GCFC2: variants seen among roughly 807,000 people sequenced by gnomAD.
GCFC2 encodes intron Large complex component GCFC2.
A neutral mutation model predicts 99.4 loss-of-function variants in GCFC2; 102 were observed. The ratio of observed to expected loss-of-function variants is 1.03; its 90% confidence interval spans 0.87 to 1.21. The LOEUF is 1.21. GCFC2 is among the 50% of genes most tolerant of loss of function. GCFC2 has a pLI of 0.00. For synonymous variants in GCFC2, 338 were observed against 316.8 expected, an observed-to-expected ratio of 1.07 and a Z score of -0.71; for missense variants, 973 against 920.9, an observed-to-expected ratio of 1.06 and a Z score of -0.73.
intron 5 of GCFC2, among the ~76,000 whole-genome samples, chr2:75,695,918 A>G (rs1044311218): frequency 6.6e-6 from 1 of 152,176 alleles, no homozygotes; most frequent in African/African-American, 2.4e-5. Flanking sequence ...ATGCAATTTA[A>G]AACATATGAA....
At position 75,687,896 on chromosome 2, in the gene GCFC2, T is replaced by C; in HGVS notation, c.1621A>G (p.Lys541Glu). ...ACTTTTTTATCTGAACTACTTTCCT[T>C]CTTTGAATCTTCCACACTGCTATCC... Reference protein sequence around the residue: ...FMDSSVEDSKKESSSDKKVLS... With the variant: ...FMDSSVEDSKEESSSDKKVLS... The change falls in exon 11 of 17, where the codon AAG becomes GAG. Residue 541 changes from lysine (K) to glutamate (E), a missense_variant. Coordinates refer to ENST00000321027, the MANE Select transcript of GCFC2 (RefSeq NM_003203.5). The C allele has an allele frequency of 6.2e-7, 1 of 1,604,028 alleles. No individual in the cohort carries two copies. Among genetic ancestry groups the C allele is most frequent in the Non-Finnish European group, 8.5e-7 (1 of 1,171,890 alleles).
intron 2 of GCFC2, among the ~76,000 whole-genome samples, chr2:75,704,677 C>CCAT (rs1454285860): frequency 6.6e-6 from 1 of 152,234 alleles, no homozygotes; most frequent in Admixed American, 6.5e-5. Flanking sequence ...GTTTAATCCA[C>CCAT]CATCTTTTTT....
chr2:75,668,858 A>C (rs1573041217), intron 15 of GCFC2, among the ~76,000 whole-genome samples: 1 of 152,202 alleles, frequency 6.6e-6, no homozygotes, highest in African/African-American at 2.4e-5. Flanking sequence ...AATACTCTCC[A>C]AAAGAGCTGT....
chr2:75,702,480 C>A, intron 2 of GCFC2, 57 bp from the exon 3 acceptor site: 1 of 1,365,916 alleles, frequency 7.3e-7, no homozygotes, highest in Non-Finnish European at 1.0e-6. Context: ...AGTAAATATT[C>A]CTCACATTTA....
At chr2:75,687,620 T>C (rs948764330) in intron 11 of GCFC2, among the ~76,000 whole-genome samples, 1 of 152,192 alleles carries the variant, frequency 6.6e-6, no homozygotes, top group East Asian at 1.9e-4. Context: ...GTGATCAATC[T>C]GAGTATTAGC....
Position 75,690,085 on chromosome 2 carries a change from T to C in GCFC2, c.1227-4A>G. 1 of 1,565,098 alleles carries C rather than the reference T, an allele frequency of 6.4e-7. No homozygotes were observed. ...CCTTGCTTGTCTTCTTTTTGTCCTATATTTTGCAACAAACCAAAAATAAAC... is the reference window on the plus strand; with the variant it reads ...CCTTGCTTGTCTTCTTTTTGTCCTACATTTTGCAACAAACCAAAAATAAAC... On this transcript the variant is annotated splice_polypyrimidine_tract_variant and splice_region_variant and intron_variant, in intron 8 of 16. Coordinates refer to ENST00000321027, the MANE Select transcript of GCFC2 (RefSeq NM_003203.5).
chr2:75,676,878 C>G (rs1337492556), intron 12 of GCFC2, among the ~76,000 whole-genome samples: 1 of 152,144 alleles, frequency 6.6e-6, no homozygotes, highest in Non-Finnish European at 1.5e-5. Context: ...ACAAGTCTTA[C>G]AGAATTCCTA....
At chr2:75,667,040 G>C (rs373644592) in intron 15 of GCFC2, among the ~76,000 whole-genome samples, 145 of 152,272 alleles carry the variant, frequency 9.5e-4, no homozygotes, top group Non-Finnish European at 1.8e-3. Context: ...GCTTTCTCGA[G>C]AGTCTTGGAA....
upstream of GCFC2, among the ~76,000 whole-genome samples, chr2:75,712,817 C>T (rs900766928): frequency 6.6e-6 from 1 of 152,202 alleles, no homozygotes; most frequent in South Asian, 2.1e-4. Context: ...ACGCTCACCG[C>T]GAGGGTCCGC....
At chr2:75,694,958 C>G (rs1195483701) in intron 5 of GCFC2, among the ~76,000 whole-genome samples, 1 of 151,994 alleles carries the variant, frequency 6.6e-6, no homozygotes, top group Non-Finnish European at 1.5e-5. Context: ...TTACTTCGTT[C>G]TGTATATCCT....
At chr2:75,690,567 T>TA in intron 8 of GCFC2, 71 bp downstream of exon 8, 4 of 781,056 alleles carry the variant, frequency 5.1e-6, no homozygotes, top group Non-Finnish European at 6.7e-6. Flanking sequence ...ATCATGTGGT[T>TA]AATTATATTT....
upstream of GCFC2, among the ~76,000 whole-genome samples, chr2:75,711,894 G>T (rs374700439): frequency 1.3e-5 from 2 of 152,218 alleles, no homozygotes; most frequent in South Asian, 4.1e-4. Context: ...GAGCATCCCC[G>T]ACGAGCACCA....
At chr2:75,688,895 G>T in intron 10 of GCFC2, 131 bp downstream of exon 10, 1 of 574,850 alleles carries the variant, frequency 1.7e-6, no homozygotes, top group Non-Finnish European at 3.1e-6. Flanking sequence ...CACATTTTCT[G>T]ACTATTGTTC....
Position 75,702,205 on chromosome 2 carries a change from C to G in GCFC2, c.613G>C (p.Glu205Gln). Residue 205 changes from glutamate (E) to glutamine (Q), a missense_variant, in exon 3 of 17, where the codon GAA (glutamate) becomes CAA (glutamine). By Grantham distance (29) the Glu-to-Gln change is conservative. Transcript: ENST00000321027. ...PQTLRQRMAE[E>Q]SISRNEETSE... Reference sequence around the variant, plus strand: ...TATATTGGTAAATCCATACTTGATTCCTCAGCCATCCTTTGTCTAAGTGTT... The same window carrying G: ...TATATTGGTAAATCCATACTTGATTGCTCAGCCATCCTTTGTCTAAGTGTT... 1 of 1,603,588 alleles carries G rather than the reference C, an allele frequency of 6.2e-7. No homozygotes were observed. The highest frequency in any genetic ancestry group is 1.1e-5 in the South Asian group (1 of 90,874).
At position 75,710,657 on chromosome 2, in the gene GCFC2, G is replaced by A. The variant is rs1254669321; in HGVS notation, c.199C>T (p.Arg67Trp). The A allele has an allele frequency of 2.6e-6, 4 of 1,518,224 alleles. No homozygotes were observed. Among genetic ancestry groups the A allele is most frequent in the African/African-American group, 2.9e-5 (2 of 69,798 alleles). The allele number at this position is 1,518,224 out of a possible 1,614,324, so 94.0% of individuals were successfully genotyped here. ...CGGGAGCTCGCCCAGACCCGGCCCCGGCCACGAGGGCCCCGAACCCGGTGG... is the reference window on the plus strand; with the variant it reads ...CGGGAGCTCGCCCAGACCCGGCCCCAGCCACGAGGGCCCCGAACCCGGTGG... ...LPHRVRGPRG[R>W]GRVWASSRRA... The change falls in exon 1 of 17, where the codon CGG becomes TGG. Residue 67 changes from arginine (R) to tryptophan (W), a missense_variant. Arg to Trp is a moderately radical substitution (Grantham distance 101, BLOSUM62 -3). Coordinates refer to ENST00000321027, the MANE Select transcript of GCFC2 (RefSeq NM_003203.5).
intron 8 of GCFC2, 78 bp from the exon 9 acceptor site, chr2:75,690,159 C>T (rs546384742): frequency 7.9e-6 from 6 of 758,622 alleles, no homozygotes; most frequent in Admixed American, 5.0e-5. Flanking sequence ...TTTTTTTTAA[C>T]CTCTTGCTGA....
intron 1 of GCFC2, among the ~76,000 whole-genome samples, chr2:75,709,413 T>G (rs1681017794): frequency 6.6e-6 from 1 of 152,154 alleles, no homozygotes; most frequent in East Asian, 1.9e-4. Context: ...ACGAAGATCA[T>G]AAACCTGGAG....
chr2:75,667,405 C>T (rs965953515), intron 15 of GCFC2, among the ~76,000 whole-genome samples: 11 of 151,958 alleles, frequency 7.2e-5, no homozygotes, highest in Non-Finnish European at 5.9e-5. Context: ...TAAAATGCAC[C>T]CTATATATTA....
chr2:75,707,535 C>G (rs972011023), intron 1 of GCFC2, among the ~76,000 whole-genome samples: 1 of 148,390 alleles, frequency 6.7e-6, no homozygotes, highest in African/African-American at 2.5e-5. Flanking sequence ...TCAAAAAAGG[C>G]TGGAGTAAAA....
Sources: gnomAD v4.1 joint callset for allele counts (sites outside exome capture counted in the v4.1 genomes callset) on GRCh38, gnomAD v4.1.1 for gene constraint, MANE v1.5 for transcripts, NCBI Gene and HGNC (gene_info 2026-07-23, HGNC 2026-07-21) for gene names.